EXOC6B: variants seen among roughly 807,000 people sequenced by gnomAD.
EXOC6B encodes the protein SEC15 homolog B.
A neutral mutation model predicts 113.5 loss-of-function variants in EXOC6B; 54 were observed. The ratio of observed to expected loss-of-function variants is 0.48; its 90% CI spans 0.38 to 0.60. The LOEUF (loss-of-function observed/expected upper bound fraction) is 0.60, where lower values mean the gene tolerates loss of function less well. EXOC6B is among the 20% of genes least tolerant of loss of function. The probability of loss-of-function intolerance (pLI) is 0.00; values close to 1 mark genes in which losing one functional copy is unlikely to be tolerated. For missense variants in EXOC6B, 797 were observed against 977.5 expected (o/e 0.82, Z 2.46); for synonymous variants, 357 against 339.0 (o/e 1.05, Z -0.58).
intron 20 of EXOC6B, among the ~76,000 whole-genome samples, chr2:72,207,238 T>A: frequency 6.6e-6 from 1 of 152,246 alleles, no homozygotes; most frequent in East Asian, 1.9e-4. Flanking sequence ...TTTTTCTACA[T>A]TACCCAATGT....
At chr2:72,803,022 C>T (rs1314907668) in intron 1 of EXOC6B, among the ~76,000 whole-genome samples, 1 of 152,110 alleles carries the variant, frequency 6.6e-6, no homozygotes, top group African/African-American at 2.4e-5. Flanking sequence ...AATTTAAACT[C>T]CTCTTGGAAT....
intron 3 of EXOC6B, among the ~76,000 whole-genome samples, chr2:72,732,132 T>C (rs1026920655): frequency 6.6e-6 from 1 of 152,136 alleles, no homozygotes; most frequent in South Asian, 2.1e-4. Flanking sequence ...TGTCAATCAA[T>C]AGAATCAATG....
intron 20 of EXOC6B, among the ~76,000 whole-genome samples, chr2:72,269,587 G>T (rs1684349763): frequency 6.6e-6 from 1 of 152,100 alleles, no homozygotes; most frequent in East Asian, 1.9e-4. Flanking sequence ...GAGGTGGGCA[G>T]ATTGCTCAAA....
At chr2:72,760,274 T>A (rs918051339) in intron 1 of EXOC6B, among the ~76,000 whole-genome samples, 1 of 152,194 alleles carries the variant, frequency 6.6e-6, no homozygotes, top group Non-Finnish European at 1.5e-5. Flanking sequence ...CCCAGCAAAC[T>A]TCCCTGGCAT....
At chr2:72,574,962 G>T (rs1244466723) in intron 7 of EXOC6B, among the ~76,000 whole-genome samples, 1 of 152,116 alleles carries the variant, frequency 6.6e-6, no homozygotes, top group Non-Finnish European at 1.5e-5. Flanking sequence ...AATCTATGAG[G>T]TTATGAATAT....
At chr2:72,530,053 A>C (rs551529764) in intron 8 of EXOC6B, among the ~76,000 whole-genome samples, 12 of 152,156 alleles carry the variant, frequency 7.9e-5, no homozygotes, top group African/African-American at 2.6e-4. Flanking sequence ...AGGTCTGTCC[A>C]TTTTATAAAT....
intron 20 of EXOC6B, among the ~76,000 whole-genome samples, chr2:72,224,992 G>GTA (rs1325223051): frequency 8.5e-6 from 1 of 118,102 alleles, no homozygotes; most frequent in Non-Finnish European, 2.0e-5. Flanking sequence ...ATGTGTGTGT[G>GTA]TGTATATATA....
chr2:72,671,289 A>G (rs1675774865), intron 6 of EXOC6B, among the ~76,000 whole-genome samples: 1 of 152,230 alleles, frequency 6.6e-6, no homozygotes, highest in African/African-American at 2.4e-5. Flanking sequence ...TAACCAGAAC[A>G]TATAAGGAGC....
At chr2:72,399,772 T>C (rs1693016291) in intron 18 of EXOC6B, among the ~76,000 whole-genome samples, 1 of 151,890 alleles carries the variant, frequency 6.6e-6, no homozygotes, top group Non-Finnish European at 1.5e-5. Flanking sequence ...CAAAAAACCT[T>C]GTGTCATAGA....
intron 1 of EXOC6B, among the ~76,000 whole-genome samples, chr2:72,754,085 C>T (rs1573742307): frequency 6.6e-6 from 1 of 152,012 alleles, no homozygotes; most frequent in Non-Finnish European, 1.5e-5. Flanking sequence ...CAAGGTCTCA[C>T]TATGTTGCCT....
In EXOC6B at chr2:72,455,218, A is replaced by C. The variant is rs528118489; in HGVS notation, c.1980+9942T>G. Among the ~76,000 whole-genome samples the C allele has an allele frequency of 2.0e-5, 3 of 152,274 alleles. No homozygotes were observed. In the South Asian group the frequency reaches 6.2e-4, roughly 32 times the overall value. ...AGAGAAAGTCATAGGAATTGGGCTA[A>C]ATTACAGTCATTTTTATCAGCAGAT... On this transcript the variant is annotated intron_variant, in intron 18 of 21. Coordinates refer to ENST00000272427, the MANE Select transcript of EXOC6B (RefSeq NM_015189.3).
chr2:72,321,153 T>A (rs1687824247), intron 20 of EXOC6B, among the ~76,000 whole-genome samples: 1 of 152,204 alleles, frequency 6.6e-6, no homozygotes, highest in Non-Finnish European at 1.5e-5. Context: ...AAAGCCACTT[T>A]GGAAAGCAGT....
At chr2:72,766,150 C>G (rs1429432827) in intron 1 of EXOC6B, among the ~76,000 whole-genome samples, 5 of 152,280 alleles carry the variant, frequency 3.3e-5, no homozygotes, top group African/African-American at 9.6e-5. Flanking sequence ...AGTCATCACT[C>G]CAGGCTCTTT....
intron 1 of EXOC6B, among the ~76,000 whole-genome samples, chr2:72,821,427 TAAACATA>T (rs1161088058): frequency 1.3e-5 from 2 of 152,068 alleles, no homozygotes; most frequent in African/African-American, 2.4e-5. Context: ...CTCATAATGT[TAAACATA>T]GAGTTACCTT....
chr2:72,563,094 A>G (rs1703982186), intron 7 of EXOC6B, among the ~76,000 whole-genome samples: 1 of 152,200 alleles, frequency 6.6e-6, no homozygotes, highest in Admixed American at 6.5e-5. Flanking sequence ...TGTGCCTCAG[A>G]GCATATTATA....
intron 17 of EXOC6B, among the ~76,000 whole-genome samples, chr2:72,469,702 T>C (rs1698277558): frequency 6.6e-6 from 1 of 152,196 alleles, no homozygotes; most frequent in South Asian, 2.1e-4. Context: ...TGCGTCTTGG[T>C]GAATATTTTG....
At chr2:72,420,292 G>T (rs1056679700) in intron 18 of EXOC6B, among the ~76,000 whole-genome samples, 1 of 151,858 alleles carries the variant, frequency 6.6e-6, no homozygotes, top group East Asian at 1.9e-4. Context: ...GAATGTGCAG[G>T]TTTGTTACAT....
chr2:72,395,453 C>T (rs1320282770), intron 18 of EXOC6B, among the ~76,000 whole-genome samples: 1 of 152,120 alleles, frequency 6.6e-6, no homozygotes, highest in African/African-American at 2.4e-5. Context: ...CCTGTAGGTG[C>T]TTTGGTCATT....
At chr2:72,631,939 A>T (rs1199410441) in intron 6 of EXOC6B, among the ~76,000 whole-genome samples, 1 of 152,230 alleles carries the variant, frequency 6.6e-6, no homozygotes, top group Non-Finnish European at 1.5e-5. Flanking sequence ...CAACATGAAA[A>T]GCAATTTAAA....
Sources: allele counts gnomAD v4.1 joint callset (sites outside exome capture counted in the v4.1 genomes callset), GRCh38; gene constraint gnomAD v4.1.1; transcripts MANE v1.5; gene names NCBI Gene and HGNC (gene_info 2026-07-23, HGNC 2026-07-21).